The following ENTREP2 variants were observed in gnomAD, a reference collection of about 807,000 sequenced individuals.
ENTREP2 encodes endosomal transmembrane epsin interactor 2, also known as protein ENTREP2.
the ENTREP2 span, among the ~76,000 whole-genome samples, chr15:29,165,158 G>C: frequency 6.6e-6 from 1 of 151,894 alleles, no homozygotes; most frequent in East Asian, 1.9e-4. Context: ...AAAACCTCTG[G>C]GATATAAGCA....
the ENTREP2 span, among the ~76,000 whole-genome samples, chr15:29,154,721 G>T: frequency 0.012 from 1,752 of 152,280 alleles, 33 homozygotes; most frequent in African/African-American, 0.041. Flanking sequence ...AGCATCCTCA[G>T]GGCTCGTTCA....
At chr15:29,507,011 C>A in the ENTREP2 span, among the ~76,000 whole-genome samples, 2 of 152,030 alleles carry the variant, frequency 1.3e-5, no homozygotes, top group Non-Finnish European at 2.9e-5. Flanking sequence ...TTAGGAGACC[C>A]ATCTCACATG....
At chr15:29,597,270 G>C in the ENTREP2 span, among the ~76,000 whole-genome samples, 5 of 152,178 alleles carry the variant, frequency 3.3e-5, no homozygotes, top group East Asian at 9.7e-4. Flanking sequence ...ATGCATTTAA[G>C]ATTCATCCAT....
chr15:29,576,288 A>G, the ENTREP2 span, among the ~76,000 whole-genome samples: 1 of 152,334 alleles, frequency 6.6e-6, no homozygotes, highest in South Asian at 2.1e-4. Flanking sequence ...CTTACAAAAG[A>G]AAGAAGTTGG....
chr15:29,154,186 G>A, the ENTREP2 span, among the ~76,000 whole-genome samples: 1 of 151,956 alleles, frequency 6.6e-6, no homozygotes. Flanking sequence ...AGATGCCAGG[G>A]GATTTTCTGT....
chr15:29,234,716 T>C, the ENTREP2 span: 23 of 1,525,334 alleles, frequency 1.5e-5, no homozygotes, highest in African/African-American at 1.1e-4. Flanking sequence ...AGTAGTTCCA[T>C]TGTGGCAAGT....
chr15:29,173,973 ACT>A, the ENTREP2 span, among the ~76,000 whole-genome samples: 1 of 150,286 alleles, frequency 6.7e-6, no homozygotes, highest in Non-Finnish European at 1.5e-5. Context: ...AAAAAATCCC[ACT>A]CTTTCATTTA....
chr15:29,318,344 G>A, the ENTREP2 span, among the ~76,000 whole-genome samples: 2 of 151,224 alleles, frequency 1.3e-5, no homozygotes, highest in African/African-American at 4.9e-5. Context: ...TTTTTGAGAC[G>A]GAGTTTTGCT....
the ENTREP2 span, among the ~76,000 whole-genome samples, chr15:29,381,056 T>C: frequency 0.16 from 23,832 of 151,214 alleles, 2,841 homozygotes; most frequent in African/African-American, 0.34. Context: ...TTTCACCATG[T>C]TGGCCAGGCT....
At chr15:29,631,612 T>C in the ENTREP2 span, among the ~76,000 whole-genome samples, 1 of 152,238 alleles carries the variant, frequency 6.6e-6, no homozygotes, top group Non-Finnish European at 1.5e-5. Flanking sequence ...CTGGTCAGTT[T>C]TTACCTTTGG....
the ENTREP2 span, among the ~76,000 whole-genome samples, chr15:29,584,552 G>A: frequency 6.6e-5 from 10 of 152,248 alleles, no homozygotes; most frequent in African/African-American, 2.4e-4. Flanking sequence ...TATGCTAAAT[G>A]AAATAAACCA....
the ENTREP2 span, among the ~76,000 whole-genome samples, chr15:29,385,468 C>T: frequency 6.6e-6 from 1 of 152,178 alleles, no homozygotes; most frequent in African/African-American, 2.4e-5. Flanking sequence ...TTCTCCTACA[C>T]AAAGCAAAAG....
the ENTREP2 span, among the ~76,000 whole-genome samples, chr15:29,318,344 G>C: frequency 6.6e-6 from 1 of 151,224 alleles, no homozygotes; most frequent in Non-Finnish European, 1.5e-5. Context: ...TTTTTGAGAC[G>C]GAGTTTTGCT....
chr15:29,600,346 T>C, the ENTREP2 span, among the ~76,000 whole-genome samples: 4 of 152,332 alleles, frequency 2.6e-5, no homozygotes, highest in African/African-American at 9.6e-5. Flanking sequence ...TATGGGCTGC[T>C]AGGGGCATCT....
At chr15:29,248,469 T>C in the ENTREP2 span, among the ~76,000 whole-genome samples, 1 of 152,112 alleles carries the variant, frequency 6.6e-6, no homozygotes, top group South Asian at 2.1e-4. Flanking sequence ...AACTATAATA[T>C]ATAAAGAGCT....
At chr15:29,340,982 T>G in the ENTREP2 span, among the ~76,000 whole-genome samples, 1 of 152,172 alleles carries the variant, frequency 6.6e-6, no homozygotes, top group African/African-American at 2.4e-5. Context: ...CCAGGCCCCA[T>G]GGGAGAGCTG....
the ENTREP2 span, among the ~76,000 whole-genome samples, chr15:29,226,853 C>T: frequency 5.3e-4 from 81 of 152,206 alleles, no homozygotes; most frequent in Non-Finnish European, 2.2e-4. Flanking sequence ...CTGTCTTAAC[C>T]TGTGGTCCTG....
the ENTREP2 span, among the ~76,000 whole-genome samples, chr15:29,600,532 AC>A: frequency 6.6e-6 from 1 of 151,908 alleles, no homozygotes; most frequent in Non-Finnish European, 1.5e-5. Flanking sequence ...CTCTCCCTTG[AC>A]CTCTTAGGGA....
At chr15:29,585,192 T>C in the ENTREP2 span, among the ~76,000 whole-genome samples, 8 of 152,310 alleles carry the variant, frequency 5.3e-5, no homozygotes, top group East Asian at 1.2e-3. Flanking sequence ...CAACAAGGAT[T>C]GAAGCTAACT....
Sources: gnomAD v4.1 joint callset for allele counts (sites outside exome capture counted in the v4.1 genomes callset) on GRCh38, gnomAD v4.1.1 for gene constraint, MANE v1.5 for transcripts, NCBI Gene and HGNC (gene_info 2026-07-23, HGNC 2026-07-21) for gene names.